Variants in RNF43 observed in about 807,000 individuals in gnomAD.
RNF43 encodes the protein E3 ubiquitin-protein ligase RNF43.
RNF43 carries 37 observed loss-of-function variants against 78.4 expected under a neutral mutation model. The ratio of observed to expected loss-of-function variants is 0.47; its 90% CI spans 0.36 to 0.62. The LOEUF is 0.62. Ranked by LOEUF, RNF43 falls within the 20% of genes least tolerant of loss-of-function variation. The probability of loss-of-function intolerance (pLI) is 0.00; values close to 1 mark genes in which losing one functional copy is unlikely to be tolerated. For missense variants in RNF43, 774 were observed against 1,007.9 expected (o/e 0.77, Z 3.14); for synonymous variants, 347 against 395.0 (o/e 0.88, Z 1.44).
intron 2 of RNF43, among the ~76,000 whole-genome samples, chr17:58,391,347 C>A (rs1973555014): frequency 3.3e-5 from 5 of 152,188 alleles, no homozygotes; most frequent in Non-Finnish European, 7.3e-5. Flanking sequence ...CCACACCGCC[C>A]AACACATTTT....
chr17:58,358,115 CG>C lies in RNF43; in HGVS notation c.1660del (p.Arg554GlyfsTer146). 6.2e-7 allele frequency: 1 copy of C among 1,612,806 alleles called. No individual in the cohort carries two copies. Among genetic ancestry groups the C allele is most frequent in the Non-Finnish European group, 8.5e-7 (1 of 1,179,458 alleles). ...GAACCGCTTTTTGTAGTGGTGGTGC[CG>C]GTGGCGGTGGTAGTGGACATGGCTG... ...VSSHVHYHRHRHHHYKKRFQW... is the reference protein window; with the variant it reads ...VSSHVHYHRHXHHHYKKRFQW... On this transcript the variant is annotated frameshift_variant, in exon 9 of 10. Transcript: ENST00000407977. LOFTEE classifies it high-confidence loss of function. The surrounding 1 kb of genome is among the most constrained non-coding windows in gnomAD (Gnocchi z 6.2).
At chr17:58,416,638 C>T (rs1240853124) in intron 1 of RNF43, 2 of 152,092 alleles carry the variant, frequency 1.3e-5, no homozygotes, top group African/African-American at 4.8e-5. Flanking sequence ...CACATGTATC[C>T]AAATTCCCTG....
At chr17:58,356,824 GTTA>G (rs1397915686) in intron 9 of RNF43, among the ~76,000 whole-genome samples, 1 of 149,288 alleles carries the variant, frequency 6.7e-6, no homozygotes, top group African/African-American at 2.5e-5. Context: ...AACTAAACCA[GTTA>G]TTAAAATTTA....
chr17:58,358,827 GA>G lies in RNF43; in HGVS notation c.953-5del, dbSNP rs1190331794. The stretch of plus-strand genomic sequence containing the variant: ...GACTGGGAAAATGAATCTCCCTCTG[GA>G]AAAAAGAACCAAGAGCACAGATGTT... On this transcript the variant is annotated splice_polypyrimidine_tract_variant and splice_region_variant and intron_variant, in intron 8 of 9. Coordinates refer to ENST00000407977, the MANE Select transcript of RNF43 (RefSeq NM_017763.6). The surrounding 1 kb of genome is among the most constrained non-coding windows in gnomAD (Gnocchi z 6.2). 8 of 1,486,056 alleles carry G rather than the reference GA, an allele frequency of 5.4e-6. No individual in the cohort carries two copies. The highest frequency in any genetic ancestry group is 2.7e-5 in the South Asian group (2 of 72,906). 92.1% of individuals were successfully genotyped at this position (1,486,056 alleles called of 1,614,324 possible). A position where few individuals can be genotyped will look rare whatever the true frequency, so the allele number is the denominator to read the frequency against.
intron 2 of RNF43, among the ~76,000 whole-genome samples, chr17:58,388,672 T>C (rs1973484652): frequency 6.7e-6 from 1 of 149,572 alleles, no homozygotes; most frequent in Non-Finnish European, 1.5e-5. Flanking sequence ...CCACATTGTG[T>C]GGTAAAGCCA....
chr17:58,416,344 A>G (rs1248366697), intron 1 of RNF43: 1 of 152,240 alleles, frequency 6.6e-6, no homozygotes, highest in African/African-American at 2.4e-5. Flanking sequence ...GTGCTAATTT[A>G]TGTATCTTCA....
chr17:58,373,462 G>T (rs541626015), intron 2 of RNF43, among the ~76,000 whole-genome samples: 2 of 152,168 alleles, frequency 1.3e-5, no homozygotes, highest in Non-Finnish European at 2.9e-5. Flanking sequence ...CCTCTTGTGT[G>T]CCAGAGCTTT....
At chr17:58,378,591 C>G (rs1328430428) in intron 2 of RNF43, among the ~76,000 whole-genome samples, 1 of 152,106 alleles carries the variant, frequency 6.6e-6, no homozygotes, top group Admixed American at 6.6e-5. Flanking sequence ...CCTGCTTCAT[C>G]GTATAATTTT....
chr17:58,359,870 G>A (rs1314073231), intron 8 of RNF43, among the ~76,000 whole-genome samples: 2 of 151,932 alleles, frequency 1.3e-5, no homozygotes, highest in African/African-American at 4.8e-5. Flanking sequence ...AGGTTGCGGT[G>A]AACCGAGATC....
intron 2 of RNF43, among the ~76,000 whole-genome samples, chr17:58,392,646 C>G (rs544114934): frequency 1.3e-5 from 2 of 152,332 alleles, no homozygotes; most frequent in African/African-American, 4.8e-5. Flanking sequence ...TCTCCATACA[C>G]AGCCTAATGT....
At chr17:58,403,020 T>C (rs1973836682) in intron 2 of RNF43, among the ~76,000 whole-genome samples, 1 of 152,042 alleles carries the variant, frequency 6.6e-6, no homozygotes, top group African/African-American at 2.4e-5. Context: ...GGTAGGTTGT[T>C]GTTTCGAGTT....
At chr17:58,391,952 A>G (rs1432095102) in intron 2 of RNF43, among the ~76,000 whole-genome samples, 1 of 151,794 alleles carries the variant, frequency 6.6e-6, no homozygotes, top group Non-Finnish European at 1.5e-5. Context: ...TAGGAGGTGT[A>G]TGTAAGAGTC....
In RNF43 at chr17:58,377,676, C is replaced by A. The variant is rs1237284867; in HGVS notation, c.253-6643G>T. Among the ~76,000 whole-genome samples the A allele has an allele frequency of 3.7e-4, 42 of 114,424 alleles. 1 individual carries two copies. In the Admixed American group the frequency reaches 3.9e-3, roughly 11 times the overall value. 75.1% of individuals were successfully genotyped at this position (114,424 alleles called of 152,430 possible). The stretch of plus-strand genomic sequence containing the variant: ...CCCAGGAACTCTCCTCCCCACCCAC[C>A]CACCCACCCCCTCCTGCCCCCACCA... On this transcript the variant is annotated intron_variant, in intron 2 of 9. Transcript: ENST00000407977.
At chr17:58,409,391 T>A (rs1043201408) in intron 2 of RNF43, among the ~76,000 whole-genome samples, 1 of 152,048 alleles carries the variant, frequency 6.6e-6, no homozygotes, top group Non-Finnish European at 1.5e-5. Context: ...ATATTACTCA[T>A]CTATAACATT....
chr17:58,390,318 T>A (rs75715027), intron 2 of RNF43, among the ~76,000 whole-genome samples: 5,902 of 152,208 alleles, frequency 0.039, 170 homozygotes, highest in East Asian at 0.073. Flanking sequence ...ATCCTTTTTT[T>A]AAAAAAAATT....
intron 2 of RNF43, among the ~76,000 whole-genome samples, chr17:58,388,292 A>G (rs1444500323): frequency 6.6e-6 from 1 of 152,158 alleles, no homozygotes; most frequent in Non-Finnish European, 1.5e-5. Flanking sequence ...TCTGTCAGTA[A>G]GTTGATTCCT....
intron 1 of RNF43, 155 bp downstream of exon 1, chr17:58,416,860 CCT>C (rs1269968567): frequency 3.9e-5 from 6 of 152,106 alleles, no homozygotes; most frequent in Non-Finnish European, 7.3e-5. Flanking sequence ...CCCACAAAGC[CCT>C]CTGTGTTCCA....
chr17:58,395,142 C>T (rs1973650148), intron 2 of RNF43: 1 of 152,222 alleles, frequency 6.6e-6, no homozygotes, highest in Admixed American at 6.5e-5. Context: ...CTACTACAAC[C>T]TCTTTCTGCC....
downstream of RNF43, chr17:58,353,309 A>G (rs1054805539): frequency 4.7e-6 from 1 of 213,436 alleles, no homozygotes; most frequent in Admixed American, 5.8e-5. Context: ...CTATTATCTC[A>G]TGTAAGTCCT....
Sources: gnomAD v4.1 joint callset for allele counts (sites outside exome capture counted in the v4.1 genomes callset) on GRCh38, gnomAD v4.1.1 for gene constraint, Gnocchi (gnomAD v3.1) non-coding constraint, MANE v1.5 for transcripts, NCBI Gene and HGNC (gene_info 2026-07-23, HGNC 2026-07-21) for gene names.